The following CLVS1 variants were observed in gnomAD, a reference collection of about 807,000 sequenced individuals.
CLVS1 encodes the protein clavesin-1.
A neutral mutation model predicts 33.1 loss-of-function variants in CLVS1; 10 were observed. The ratio of observed to expected loss-of-function variants is 0.30; its 90% confidence interval spans 0.19 to 0.51. The LOEUF is 0.51. CLVS1 is among the 20% of genes least tolerant of loss of function. CLVS1 has a pLI of 0.97. For synonymous variants in CLVS1, 163 were observed against 166.1 expected (o/e 0.98, Z 0.14); for missense variants, 343 against 433.4 (o/e 0.79, Z 1.85).
chr8:61,113,170 C>T (rs1805660215), intron 1 of CLVS1, among the ~76,000 whole-genome samples: 1 of 152,038 alleles, frequency 6.6e-6, no homozygotes, highest in African/African-American at 2.4e-5. Context: ...GTAATTTGGC[C>T]CTTGGGCACA....
chr8:61,470,150 A>G (rs1177271168), intron 5 of CLVS1, among the ~76,000 whole-genome samples: 1 of 152,216 alleles, frequency 6.6e-6, no homozygotes, highest in African/African-American at 2.4e-5. Flanking sequence ...TCCTGCTTAC[A>G]TACAGCTTTC....
At chr8:61,293,620 T>C (rs1810079922) in intron 1 of CLVS1, among the ~76,000 whole-genome samples, 1 of 152,198 alleles carries the variant, frequency 6.6e-6, no homozygotes, top group Non-Finnish European at 1.5e-5. Flanking sequence ...TATTTTTATT[T>C]CATTCAGTAT....
chr8:61,398,241 G>T (rs1409259237), intron 3 of CLVS1, among the ~76,000 whole-genome samples: 1 of 149,150 alleles, frequency 6.7e-6, no homozygotes, highest in Non-Finnish European at 1.5e-5. Flanking sequence ...GAATGTAGTG[G>T]TGTGATCATG....
At chr8:61,160,381 TAAACA>T (rs1806729013) in intron 2 of CLVS1, among the ~76,000 whole-genome samples, 1 of 152,190 alleles carries the variant, frequency 6.6e-6, no homozygotes, top group Non-Finnish European at 1.5e-5. Context: ...CTATATTTAG[TAAACA>T]AAACAAAACA....
At chr8:61,209,152 T>C (rs1163803846) in intron 2 of CLVS1, among the ~76,000 whole-genome samples, 4 of 152,188 alleles carry the variant, frequency 2.6e-5, no homozygotes, top group Non-Finnish European at 5.9e-5. Context: ...TTGACCATAT[T>C]TTCAAAGTAG....
intron 2 of CLVS1, among the ~76,000 whole-genome samples, chr8:61,325,650 T>C (rs1266209605): frequency 6.6e-6 from 1 of 152,196 alleles, no homozygotes; most frequent in African/African-American, 2.4e-5. Flanking sequence ...ATCTAGCTGA[T>C]AGCATCTACT....
At chr8:61,270,182 C>T (rs1001965065) in intron 2 of CLVS1, among the ~76,000 whole-genome samples, 21 of 152,114 alleles carry the variant, frequency 1.4e-4, no homozygotes, top group South Asian at 6.2e-4. Flanking sequence ...TTTTGAAATA[C>T]GTCCCATCAG....
At chr8:61,344,783 C>T (rs1468738212) in intron 2 of CLVS1, among the ~76,000 whole-genome samples, 3 of 151,296 alleles carry the variant, frequency 2.0e-5, no homozygotes, top group African/African-American at 4.9e-5. Context: ...TTTCTTGGTT[C>T]CCATACTTGC....
chr8:61,149,699 G>A (rs1214472338), intron 2 of CLVS1, among the ~76,000 whole-genome samples: 14 of 152,080 alleles, frequency 9.2e-5, no homozygotes, highest in Non-Finnish European at 1.8e-4. Flanking sequence ...CATGAGGTGG[G>A]ATGTTCTAAT....
At chr8:61,057,516 C>T (rs1412155398) in intron 1 of CLVS1, among the ~76,000 whole-genome samples, 1 of 152,102 alleles carries the variant, frequency 6.6e-6, no homozygotes, top group Non-Finnish European at 1.5e-5. Context: ...AAATCACTTC[C>T]ACCAGTTCTC....
At chr8:61,206,557 C>G (rs567150821) in intron 2 of CLVS1, among the ~76,000 whole-genome samples, 1 of 151,768 alleles carries the variant, frequency 6.6e-6, no homozygotes, top group African/African-American at 2.4e-5. Flanking sequence ...TGCCTTACAG[C>G]ATTTATCTTA....
intron 5 of CLVS1, among the ~76,000 whole-genome samples, chr8:61,485,279 A>G (rs1461119175): frequency 9.8e-5 from 15 of 152,290 alleles, no homozygotes; most frequent in South Asian, 4.1e-4. Flanking sequence ...CAAAAAGTGG[A>G]CAAAGGATAT....
At chr8:61,369,646 C>G (rs1374235230) in intron 2 of CLVS1, among the ~76,000 whole-genome samples, 1 of 152,198 alleles carries the variant, frequency 6.6e-6, no homozygotes, top group Non-Finnish European at 1.5e-5. Flanking sequence ...TAGGAGGCTC[C>G]TTCACACGTA....
In CLVS1 at chr8:61,500,041, T is replaced by G. The variant is rs890733265; in HGVS notation, c.*499T>G. Reference sequence around the variant, plus strand: ...AGTAATTTCCATTCTTACTGAATTATTTCCTTTGACCTCATCACCAGCATC... The same window carrying G: ...AGTAATTTCCATTCTTACTGAATTAGTTCCTTTGACCTCATCACCAGCATC... On this transcript the variant is annotated 3_prime_UTR_variant, in exon 6 of 6. Transcript: ENST00000325897. The G allele has an allele frequency of 6.5e-6, 1 of 153,384 alleles. No homozygotes were observed. The highest frequency in any genetic ancestry group is 1.5e-5 in the Non-Finnish European group (1 of 68,534). The allele number at this position is 153,384 out of a possible 1,614,324, so 9.5% of individuals were successfully genotyped here. A position where few individuals can be genotyped will look rare whatever the true frequency, so the allele number is the denominator to read the frequency against.
chr8:61,370,039 T>G, intron 2 of CLVS1, among the ~76,000 whole-genome samples: 1 of 152,088 alleles, frequency 6.6e-6, no homozygotes, highest in Non-Finnish European at 1.5e-5. Context: ...GATGCAATGT[T>G]TTGCACCTAT....
At chr8:61,357,894 G>A (rs1024982093) in intron 2 of CLVS1, among the ~76,000 whole-genome samples, 1 of 152,118 alleles carries the variant, frequency 6.6e-6, no homozygotes, top group Non-Finnish European at 1.5e-5. Context: ...GCTGGAAACA[G>A]ATTCTGCTGT....
chr8:61,374,266 A>G (rs1363786261), intron 2 of CLVS1, among the ~76,000 whole-genome samples: 1 of 152,090 alleles, frequency 6.6e-6, no homozygotes, highest in African/African-American at 2.4e-5. Flanking sequence ...TTTCTTTTTT[A>G]ACAGAACCTT....
chr8:61,252,074 A>G (rs995386240), intron 2 of CLVS1, among the ~76,000 whole-genome samples: 6 of 152,094 alleles, frequency 3.9e-5, no homozygotes, highest in African/African-American at 1.4e-4. Flanking sequence ...ATTTCCCTCT[A>G]CACACTGCTT....
At chr8:61,012,866 C>A in the CLVS1 span, among the ~76,000 whole-genome samples, 1 of 152,190 alleles carries the variant, frequency 6.6e-6, no homozygotes, top group Non-Finnish European at 1.5e-5. Flanking sequence ...GTCCTGCTTG[C>A]CCTAGAAGAT....
Sources: gnomAD v4.1 joint callset for allele counts (sites outside exome capture counted in the v4.1 genomes callset) on GRCh38, gnomAD v4.1.1 for gene constraint, MANE v1.5 for transcripts, NCBI Gene and HGNC (gene_info 2026-07-23, HGNC 2026-07-21) for gene names.